The following BMAL1 variants were observed in gnomAD, a reference collection of about 807,000 sequenced individuals.
BMAL1 encodes the protein basic helix-loop-helix ARNT like 1, also known as basic helix-loop-helix ARNT-like protein 1.
At chr11:13,319,748 A>G in the BMAL1 span, among the ~76,000 whole-genome samples, 1 of 152,224 alleles carries the variant, frequency 6.6e-6, no homozygotes, top group Non-Finnish European at 1.5e-5. Flanking sequence ...TTACAGCCAA[A>G]TCACAGCTTC....
the BMAL1 span, among the ~76,000 whole-genome samples, chr11:13,291,838 T>C: frequency 6.3e-5 from 1 of 15,980 alleles, no homozygotes. Flanking sequence ...TCACATATCT[T>C]TTGTGGGATA....
chr11:13,371,761 G>A, the BMAL1 span, among the ~76,000 whole-genome samples: 1 of 152,150 alleles, frequency 6.6e-6, no homozygotes, highest in East Asian at 1.9e-4. Flanking sequence ...ACCACACAGA[G>A]CTCTTGGCCA....
the BMAL1 span, among the ~76,000 whole-genome samples, chr11:13,288,205 T>C: frequency 9.9e-5 from 15 of 152,148 alleles, no homozygotes; most frequent in Non-Finnish European, 2.1e-4. Flanking sequence ...AATTTAAGTA[T>C]GGAAGATCAC....
chr11:13,358,366 AT>A, the BMAL1 span: 1 of 1,424,754 alleles, frequency 7.0e-7, no homozygotes, highest in Non-Finnish European at 9.3e-7. Flanking sequence ...CAACTCATTT[AT>A]TTTTGTCATC....
chr11:13,319,713 T>C, the BMAL1 span, among the ~76,000 whole-genome samples: 1 of 152,226 alleles, frequency 6.6e-6, no homozygotes, highest in African/African-American at 2.4e-5. Flanking sequence ...AGGATATCAG[T>C]TGTGCCAGGT....
At chr11:13,356,638 T>A in the BMAL1 span, 1 of 1,391,342 alleles carries the variant, frequency 7.2e-7, no homozygotes. Context: ...AACTTTATGA[T>A]TGTTTGGTTT....
At chr11:13,354,191 C>A in the BMAL1 span, 1 of 460,136 alleles carries the variant, frequency 2.2e-6, no homozygotes, top group Non-Finnish European at 3.6e-6. Flanking sequence ...CCCCGGGTCT[C>A]CCCCCCCGGC....
At chr11:13,307,090 C>G in the BMAL1 span, among the ~76,000 whole-genome samples, 2 of 152,204 alleles carry the variant, frequency 1.3e-5, no homozygotes, top group African/African-American at 4.8e-5. Context: ...TAGGCCGGAT[C>G]GTCTGCCCAC....
the BMAL1 span, chr11:13,386,815 TAC>T: frequency 1.3e-6 from 2 of 1,580,332 alleles, no homozygotes; most frequent in Non-Finnish European, 1.7e-6. Flanking sequence ...GGTGGAGTTT[TAC>T]AGTCTGTGAA....
chr11:13,356,703 A>C, the BMAL1 span: 2 of 1,613,052 alleles, frequency 1.2e-6, no homozygotes, highest in Non-Finnish European at 1.7e-6. Flanking sequence ...GTATGTCTTT[A>C]TTAACATGCA....
At chr11:13,327,237 A>C in the BMAL1 span, among the ~76,000 whole-genome samples, 1 of 34,182 alleles carries the variant, frequency 2.9e-5, no homozygotes, top group Non-Finnish European at 1.0e-4. Flanking sequence ...CTTTTATGAA[A>C]AAAAAAAATT....
the BMAL1 span, among the ~76,000 whole-genome samples, chr11:13,300,124 C>T: frequency 6.6e-6 from 1 of 152,178 alleles, no homozygotes; most frequent in Non-Finnish European, 1.5e-5. Context: ...CTTAACATTA[C>T]GCCCCAGCCC....
chr11:13,291,214 A>G, the BMAL1 span, among the ~76,000 whole-genome samples: 1 of 152,230 alleles, frequency 6.6e-6, no homozygotes, highest in Non-Finnish European at 1.5e-5. Context: ...TAACAATACC[A>G]TAGAACATTC....
the BMAL1 span, chr11:13,375,503 A>AT: frequency 1.1e-6 from 1 of 917,410 alleles, no homozygotes; most frequent in Non-Finnish European, 1.6e-6. Context: ...GGCTTACTAA[A>AT]GAGCGATGTC....
chr11:13,356,727 T>C, the BMAL1 span: 1 of 1,614,014 alleles, frequency 6.2e-7, no homozygotes, highest in Non-Finnish European at 8.5e-7. Context: ...ACATTCTCTT[T>C]TGTTTTTTCA....
At chr11:13,286,342 G>T in the BMAL1 span, among the ~76,000 whole-genome samples, 2 of 152,194 alleles carry the variant, frequency 1.3e-5, no homozygotes, top group Non-Finnish European at 2.9e-5. Flanking sequence ...TTGGTTGCAT[G>T]TGTTATAAAT....
chr11:13,284,196 G>GTATATATATATATA, the BMAL1 span, among the ~76,000 whole-genome samples: 12 of 30,258 alleles, frequency 4.0e-4, no homozygotes, highest in African/African-American at 1.7e-3. Flanking sequence ...ATATATATGT[G>GTATATATATATATA]TGTATATATA....
chr11:13,356,306 T>C, the BMAL1 span: 5 of 461,706 alleles, frequency 1.1e-5, no homozygotes, highest in Non-Finnish European at 2.2e-5. Flanking sequence ...CAAATAGATA[T>C]GTATGCACAT....
At chr11:13,357,150 G>T in the BMAL1 span, 1 of 1,608,476 alleles carries the variant, frequency 6.2e-7, no homozygotes, top group South Asian at 1.1e-5. This position sits in a 1 kb window ranked among gnomAD's most constrained non-coding sequence, Gnocchi z 4.8. Flanking sequence ...GTTGCTTAGA[G>T]AGCAGCTGAG....
Sources: allele counts gnomAD v4.1 joint callset (sites outside exome capture counted in the v4.1 genomes callset), GRCh38; gene constraint gnomAD v4.1.1; non-coding constraint Gnocchi (gnomAD v3.1); transcripts MANE v1.5; gene names NCBI Gene and HGNC (gene_info 2026-07-23, HGNC 2026-07-21).